Variants in EXPH5 observed in about 807,000 individuals in gnomAD.
EXPH5 encodes the protein exophilin-5.
Under a neutral mutation model 41.1 loss-of-function variants are expected in EXPH5, and 42 were observed. That is an observed-to-expected ratio of 1.02 (90% CI 0.80 to 1.32). EXPH5 has a LOEUF of 1.32. Among genes scored for constraint, EXPH5 ranks in the 40% most tolerant of loss-of-function variants. EXPH5 has a pLI of 0.00. For missense variants in EXPH5, 2,298 were observed against 2,314.5 expected, an observed-to-expected ratio of 0.99 and a Z score of 0.15; for synonymous variants, 798 against 833.5, an observed-to-expected ratio of 0.96 and a Z score of 0.73.
At chr11:108,595,812 G>C (rs2094138131), upstream of EXPH5, among the ~76,000 whole-genome samples, 1 of 152,206 alleles carries the variant, frequency 6.6e-6, no homozygotes, top group African/African-American at 2.4e-5. Context: ...GGTAGGCTGA[G>C]CTCTGACTAT....
In EXPH5 at chr11:108,512,247, T is replaced by C; in HGVS notation, c.3260A>G (p.Asp1087Gly). 6.2e-7 allele frequency: 1 copy of C among 1,610,926 alleles called. No homozygotes were observed. The highest frequency in any genetic ancestry group is 8.5e-7 in the Non-Finnish European group (1 of 1,179,052). Residue 1087 changes from aspartate to glycine, a missense_variant, in exon 6 of 6, where the codon GAC (aspartate) becomes GGC (glycine). Transcript: ENST00000265843. ...GGCTTCAGGTGCTTCCAGGGCTGAG[T>C]CTGAAAGGACTTTGGAACATTCATT... is the stretch of plus-strand genomic sequence containing the variant. ...SANECSKVLS[D>G]SALEAPEATE...
intron 4 of EXPH5, among the ~76,000 whole-genome samples, chr11:108,522,587 T>G (rs1474015391): frequency 1.3e-5 from 2 of 152,146 alleles, no homozygotes; most frequent in African/African-American, 4.8e-5. Context: ...GCTCTTGGCT[T>G]ATTAGTGCAT....
chr11:108,523,403 T>C (rs1436269656), intron 4 of EXPH5, among the ~76,000 whole-genome samples: 1 of 152,062 alleles, frequency 6.6e-6, no homozygotes. Flanking sequence ...TCCCAAACCC[T>C]CTTCTTTCCA....
chr11:108,532,999 G>A (rs1053697571), intron 3 of EXPH5, among the ~76,000 whole-genome samples: 8 of 152,124 alleles, frequency 5.3e-5, no homozygotes, highest in East Asian at 1.9e-4. Flanking sequence ...GTTTTGTCCC[G>A]CAGTGCTGCA....
intron 4 of EXPH5, among the ~76,000 whole-genome samples, chr11:108,520,435 G>C (rs1454678392): frequency 1.3e-5 from 2 of 151,826 alleles, no homozygotes; most frequent in African/African-American, 4.8e-5. Context: ...CTGCAACAAA[G>C]GCACTCAAAA....
At chr11:108,599,686 T>C in the EXPH5 span, among the ~76,000 whole-genome samples, 1 of 152,220 alleles carries the variant, frequency 6.6e-6, no homozygotes, top group Non-Finnish European at 1.5e-5. Flanking sequence ...CCTACTTCCA[T>C]GTGGTTGCCT....
At chr11:108,606,875 AT>A in the EXPH5 span, among the ~76,000 whole-genome samples, 78,726 of 152,010 alleles carry the variant, frequency 0.52, 20,741 homozygotes, top group East Asian at 0.72. Context: ...CCACTTACAG[AT>A]TTTTTTAAAA....
At chr11:108,573,020 A>G (rs1207569454) in intron 1 of EXPH5, among the ~76,000 whole-genome samples, 3 of 151,526 alleles carry the variant, frequency 2.0e-5, no homozygotes, top group African/African-American at 7.3e-5. Flanking sequence ...GTTTGAGACC[A>G]GTCTGAATAA....
intron 5 of EXPH5, among the ~76,000 whole-genome samples, chr11:108,515,547 C>T (rs2093719281): frequency 6.7e-6 from 1 of 149,918 alleles, no homozygotes; most frequent in African/African-American, 2.5e-5. Context: ...TAAAACAGCA[C>T]TTTCTATGTG....
At chr11:108,535,259 A>G (rs1048146449) in intron 3 of EXPH5, among the ~76,000 whole-genome samples, 2 of 152,204 alleles carry the variant, frequency 1.3e-5, no homozygotes, top group Non-Finnish European at 2.9e-5. Context: ...GTCTTCATTT[A>G]ACAATTGTTG....
rs373724117 is a variant in EXPH5 at position 108,541,651 on chromosome 11, C to T, written c.280+1G>A. ...CTTTAAATCTAAAATCTTTTTCTTA[C>T]CATTTTTTGCCATCTCCTTACTTAG... On this transcript the variant is annotated splice_donor_variant, in intron 2 of 5. Transcript: ENST00000265843. LOFTEE classifies it high-confidence loss of function. 9.2e-5 allele frequency: 146 copies of T among 1,591,260 alleles called. No homozygotes were observed. Among genetic ancestry groups the T allele is most frequent in the Non-Finnish European group, 1.2e-4 (141 of 1,169,000 alleles).
intron 1 of EXPH5, among the ~76,000 whole-genome samples, chr11:108,570,153 G>C (rs1189353233): frequency 6.6e-6 from 1 of 152,208 alleles, no homozygotes; most frequent in African/African-American, 2.4e-5. Flanking sequence ...AGCTTTAGGA[G>C]ACTGCCACCT....
At chr11:108,587,326 G>A (rs766528379) in intron 1 of EXPH5, among the ~76,000 whole-genome samples, 8 of 152,140 alleles carry the variant, frequency 5.3e-5, no homozygotes, top group Non-Finnish European at 8.8e-5. Flanking sequence ...GTGCTAATGA[G>A]GAATGAAAGT....
chr11:108,511,412 C>G lies in EXPH5; in HGVS notation c.4095G>C (p.Glu1365Asp). ...SLPEEESKAR[E>D]IFSDNLAKTP... ...TTTTAGCTAAATTATCTGAAAAAAT[C>G]TCTCTAGCTTTAGATTCCTCTTCAG... The change falls in exon 6 of 6, where the codon GAG (glutamate) becomes GAC (aspartate). Residue 1365 changes from glutamate to aspartate, a missense_variant. Glu to Asp is a conservative substitution (Grantham distance 45). Transcript: ENST00000265843. 1.3e-6 allele frequency: 2 copies of G among 1,590,562 alleles called. No homozygotes were observed.
chr11:108,556,109 A>G (rs934792952), intron 1 of EXPH5, among the ~76,000 whole-genome samples: 4 of 152,252 alleles, frequency 2.6e-5, no homozygotes, highest in Admixed American at 1.3e-4. Flanking sequence ...GCCTGGCAGA[A>G]CAATGGGTTT....
chr11:108,565,577 T>C (rs887403383), intron 1 of EXPH5, among the ~76,000 whole-genome samples: 2 of 152,220 alleles, frequency 1.3e-5, no homozygotes, highest in Non-Finnish European at 2.9e-5. Context: ...ACTCTCTTCA[T>C]CTTTTCCCAG....
chr11:108,538,468 C>T (rs944935300), intron 3 of EXPH5, among the ~76,000 whole-genome samples: 2 of 152,180 alleles, frequency 1.3e-5, no homozygotes, highest in African/African-American at 2.4e-5. Context: ...AGCTTCTCCT[C>T]CCTCACCTTA....
intron 2 of EXPH5, 62 bp downstream of exon 2, chr11:108,541,590 A>G: frequency 8.7e-7 from 1 of 1,146,716 alleles, no homozygotes. Flanking sequence ...CTGGGCCATT[A>G]TCTACAATAC....
chr11:108,581,119 C>A (rs1235750977), intron 1 of EXPH5, among the ~76,000 whole-genome samples: 13 of 152,120 alleles, frequency 8.5e-5, no homozygotes, highest in Non-Finnish European at 1.6e-4. Flanking sequence ...GCCCAGGCAA[C>A]ATGGCGAAAC....
Sources: allele counts gnomAD v4.1 joint callset (sites outside exome capture counted in the v4.1 genomes callset), GRCh38; gene constraint gnomAD v4.1.1; transcripts MANE v1.5; gene names NCBI Gene and HGNC (gene_info 2026-07-23, HGNC 2026-07-21).